PRSS23: variants seen among roughly 807,000 people sequenced by gnomAD.
PRSS23 encodes protease, serine 23.
PRSS23 carries 25 observed loss-of-function variants against 34.7 expected under a neutral mutation model. The observed-to-expected ratio is 0.72, with a 90% CI of 0.53 to 1.01. The LOEUF is 1.01. PRSS23 is among the 50% of genes least tolerant of loss of function. The pLI, the probability that PRSS23 is intolerant of heterozygous loss-of-function variation, is 0.00. For missense variants in PRSS23, 445 were observed against 475.6 expected, an observed-to-expected ratio of 0.94 and a Z score of 0.60; for synonymous variants, 176 against 186.6, an observed-to-expected ratio of 0.94 and a Z score of 0.46.
At position 86,808,596 on chromosome 11, in the gene PRSS23, C is replaced by G. The variant is rs1948137838; in HGVS notation, c.953C>G (p.Ser318Cys). The G allele has an allele frequency of 6.2e-7, 1 of 1,614,050 alleles. No homozygotes were observed. Among genetic ancestry groups the G allele is most frequent in the African/African-American group, 1.3e-5 (1 of 74,926 alleles). ...QCDAQPGASG[S>C]GVYVRMWKRQ... ...GATGCCCAGCCAGGGGCCAGCGGGT[C>G]TGGGGTCTATGTGAGGATGTGGAAG... Residue 318 changes from serine (S) to cysteine (C), a missense_variant, in exon 2 of 2, where the codon TCT (serine) becomes TGT (cysteine). Physicochemically the swap from Ser to Cys is moderately radical, Grantham distance 112. Transcript: ENST00000280258.
chr11:86,827,088 C>A (rs1052830863), intron 2 of PRSS23, among the ~76,000 whole-genome samples: 4 of 152,072 alleles, frequency 2.6e-5, no homozygotes, highest in Admixed American at 6.6e-5. Context: ...CTCCTTGTAC[C>A]TCTGGTAGAA....
intron 2 of PRSS23, among the ~76,000 whole-genome samples, chr11:86,842,794 A>T (rs192067223): frequency 2.6e-5 from 4 of 152,366 alleles, no homozygotes; most frequent in African/African-American, 9.6e-5. Context: ...ACGGAAGAAC[A>T]TTCCATGCTC....
chr11:86,945,077 G>C (rs367749931), intron 2 of PRSS23, among the ~76,000 whole-genome samples: 4 of 151,994 alleles, frequency 2.6e-5, no homozygotes, highest in African/African-American at 9.7e-5. Context: ...AATTTGCTTT[G>C]TCCGATGACT....
chr11:86,873,267 T>TATATATAC (rs1565372533), intron 2 of PRSS23, among the ~76,000 whole-genome samples: 46 of 132,008 alleles, frequency 3.5e-4, no homozygotes, highest in Middle Eastern at 3.8e-3. Flanking sequence ...TATATATATA[T>TATATATAC]ACACACACAT....
chr11:86,872,067 G>A (rs1443631525), intron 2 of PRSS23, among the ~76,000 whole-genome samples: 1 of 152,174 alleles, frequency 6.6e-6, no homozygotes, highest in Non-Finnish European at 1.5e-5. Flanking sequence ...GCAGTAAGGG[G>A]TGTTCAGCAA....
chr11:86,918,402 T>C (rs992694635), intron 2 of PRSS23, among the ~76,000 whole-genome samples: 15 of 152,234 alleles, frequency 9.9e-5, no homozygotes, highest in Non-Finnish European at 1.9e-4. Flanking sequence ...TGCATTATTG[T>C]CTATGTACAG....
chr11:86,836,551 T>C (rs983525074), intron 2 of PRSS23, among the ~76,000 whole-genome samples: 10 of 152,176 alleles, frequency 6.6e-5, no homozygotes, highest in Admixed American at 5.9e-4. Flanking sequence ...GAGTGGGGCT[T>C]TCAGGCATAA....
chr11:86,791,080 G>A (rs1436570192), exon 1 of PRSS23: 1 of 152,294 alleles, frequency 6.6e-6, no homozygotes, highest in Non-Finnish European at 1.5e-5. Flanking sequence ...CAGTGTGACA[G>A]GTTCCACAGA....
chr11:86,840,653 A>G (rs1948440515), intron 2 of PRSS23, among the ~76,000 whole-genome samples: 1 of 152,226 alleles, frequency 6.6e-6, no homozygotes, highest in Admixed American at 6.5e-5. Flanking sequence ...TCAACAGAAT[A>G]TACATTCTTG....
At position 86,832,774 on chromosome 11, in the gene PRSS23, A is replaced by G. The variant is rs1948369724; in HGVS notation, c.206+9181A>G. On this transcript the variant is annotated intron_variant, in intron 2 of 2. Coordinates refer to the PRSS23 transcript ENST00000533902. ...TATACTTCCCACCTGATGATGAAAC[A>G]CTCAGCATGGAGGAAACAATTTTAT... is the stretch of plus-strand genomic sequence containing the variant. 3 of 294,156 alleles carry G rather than the reference A, an allele frequency of 1.0e-5. No homozygotes were observed. The Admixed American group carries it at 1.4e-4, about 14-fold the overall frequency. 18.2% of individuals were successfully genotyped at this position (294,156 alleles called of 1,614,324 possible). A position where few individuals can be genotyped will look rare whatever the true frequency, so the allele number is the denominator to read the frequency against.
intron 2 of PRSS23, among the ~76,000 whole-genome samples, chr11:86,861,370 T>C (rs1948613484): frequency 6.6e-6 from 1 of 151,974 alleles, no homozygotes; most frequent in South Asian, 2.1e-4. Flanking sequence ...CCCTCTCTGA[T>C]ATAGTTTGCA....
At chr11:86,916,634 C>A (rs1326777340) in intron 2 of PRSS23, among the ~76,000 whole-genome samples, 1 of 152,196 alleles carries the variant, frequency 6.6e-6, no homozygotes. Context: ...ACAGATTCGG[C>A]TTCATTGTGT....
rs869107281 is a variant in PRSS23 at position 86,809,912 on chromosome 11, CTT to C, written c.*1120_*1121del. ...GCTATGTACTTCTTCAATTTGGAAA[CTT>C]TTCTCTCTCATTTATAGTGAAAATA... On this transcript the variant is annotated 3_prime_UTR_variant, in exon 2 of 2. Transcript: ENST00000280258. 1.2e-5 allele frequency: 2 copies of C among 167,014 alleles called. No homozygotes were observed. The highest frequency in any genetic ancestry group is 2.4e-5 in the African/African-American group (1 of 41,442). 10.3% of individuals were successfully genotyped at this position (167,014 alleles called of 1,614,324 possible).
chr11:86,821,134 T>C (rs1298722921), intron 1 of PRSS23: 1 of 599,422 alleles, frequency 1.7e-6, no homozygotes, highest in Non-Finnish European at 2.5e-6. Context: ...TTTTCCATGA[T>C]TCCCTTCATG....
At chr11:86,802,567 C>G (rs945096326) in intron 1 of PRSS23, among the ~76,000 whole-genome samples, 1 of 152,230 alleles carries the variant, frequency 6.6e-6, no homozygotes, top group Non-Finnish European at 1.5e-5. Context: ...CCTTTGTCAT[C>G]TCTCCAAATG....
At chr11:86,845,740 G>T (rs1948481771) in intron 2 of PRSS23, among the ~76,000 whole-genome samples, 1 of 151,966 alleles carries the variant, frequency 6.6e-6, no homozygotes, top group South Asian at 2.1e-4. Context: ...AAAAAATTTT[G>T]CTGTAAGTTT....
At chr11:86,814,666 C>T (rs1948202948), downstream of PRSS23, among the ~76,000 whole-genome samples, 2 of 152,164 alleles carry the variant, frequency 1.3e-5, no homozygotes, top group South Asian at 2.1e-4. Flanking sequence ...TCTCTGTGCA[C>T]CCACCATGCA....
chr11:86,820,541 G>A (rs1439593839), intron 1 of PRSS23, among the ~76,000 whole-genome samples: 1 of 152,086 alleles, frequency 6.6e-6, no homozygotes, highest in Non-Finnish European at 1.5e-5. Context: ...TTCCAAGTAT[G>A]TTATACTTTA....
chr11:86,791,250 C>T (rs750789), intron 1 of PRSS23: 24,400 of 152,390 alleles, frequency 0.16, 2,208 homozygotes, highest in Middle Eastern at 0.22. Flanking sequence ...TAAACCAGCA[C>T]AGCCCTGGAA....
Sources: allele counts gnomAD v4.1 joint callset (sites outside exome capture counted in the v4.1 genomes callset), GRCh38; gene constraint gnomAD v4.1.1; transcripts MANE v1.5; gene names NCBI Gene and HGNC (gene_info 2026-07-23, HGNC 2026-07-21).